PIEZO2: variants seen among roughly 807,000 people sequenced by gnomAD.
The protein encoded by PIEZO2 is piezo-type mechanosensitive ion channel component 2.
PIEZO2 carries 172 observed loss-of-function variants against 337.3 expected under a neutral mutation model. The observed-to-expected ratio is 0.51, with a 90% CI of 0.45 to 0.58. The LOEUF is 0.58. Among genes scored for constraint, PIEZO2 ranks in the 20% least tolerant of loss-of-function variants. The pLI is 0.00. For missense variants in PIEZO2, 3,028 were observed against 3,391.3 expected, an observed-to-expected ratio of 0.89 and a Z score of 2.66; for synonymous variants, 1,251 against 1,228.5, an observed-to-expected ratio of 1.02 and a Z score of -0.38.
At chr18:10,851,114 C>T (rs2041535043) in intron 7 of PIEZO2, among the ~76,000 whole-genome samples, 1 of 150,188 alleles carries the variant, frequency 6.7e-6, no homozygotes, top group Admixed American at 6.6e-5. Context: ...ATGTTTGTTT[C>T]CTTCTTTCTC....
At chr18:10,934,682 T>C (rs1221105739) in intron 3 of PIEZO2, among the ~76,000 whole-genome samples, 2 of 143,002 alleles carry the variant, frequency 1.4e-5, no homozygotes, top group African/African-American at 2.6e-5. Context: ...TGTGTGTGTG[T>C]TGGGCTCCTT....
intron 2 of PIEZO2, among the ~76,000 whole-genome samples, chr18:10,987,253 G>A (rs567215730): frequency 1.6e-4 from 25 of 151,994 alleles, no homozygotes; most frequent in Admixed American, 6.6e-4. Context: ...AATAGCTAAA[G>A]CAATCTTGAG....
In PIEZO2 at chr18:11,132,676, G is replaced by A. The variant is rs960921835; in HGVS notation, c.64+15849C>T. Among the ~76,000 whole-genome samples, 1 of 152,132 alleles carries A rather than the reference G, an allele frequency of 6.6e-6. No homozygotes were observed. Among genetic ancestry groups the A allele is most frequent in the African/African-American group, 2.4e-5 (1 of 41,432 alleles). On this transcript the variant is annotated intron_variant, in intron 1 of 55. Transcript: ENST00000674853. The surrounding 1 kb of genome is among the most constrained non-coding windows in gnomAD (Gnocchi z 4.7). Reference sequence around the variant, plus strand: ...TCTTAGTTCCAGAAGAAGGAGCACTGCCACCAGTAGACACAATGATTCCAT... The same window carrying A: ...TCTTAGTTCCAGAAGAAGGAGCACTACCACCAGTAGACACAATGATTCCAT...
At chr18:11,004,979 A>G (rs1474694829) in intron 2 of PIEZO2, among the ~76,000 whole-genome samples, 2 of 152,210 alleles carry the variant, frequency 1.3e-5, no homozygotes, top group African/African-American at 4.8e-5. Flanking sequence ...ATTGACTGAG[A>G]GGCTATCATA....
At chr18:10,788,247 C>A in intron 15 of PIEZO2, among the ~76,000 whole-genome samples, 1 of 151,882 alleles carries the variant, frequency 6.6e-6, no homozygotes, top group East Asian at 1.9e-4. Context: ...ACTAAAAATA[C>A]AAACATTAGC....
rs923161472 is a variant in PIEZO2 at position 10,954,737 on chromosome 18, CAG to C, written c.286+24796_286+24797del. Among the ~76,000 whole-genome samples, 1 of 152,150 alleles carries C rather than the reference CAG, an allele frequency of 6.6e-6. No individual in the cohort carries two copies. Among genetic ancestry groups the C allele is most frequent in the African/African-American group, 2.4e-5 (1 of 41,434 alleles). On this transcript the variant is annotated intron_variant, in intron 3 of 55. Coordinates refer to ENST00000674853, the MANE Select transcript of PIEZO2 (RefSeq NM_001378183.1). This position sits in a 1 kb window ranked among gnomAD's most constrained non-coding sequence, Gnocchi z 4.2. ...GGCAGAAGCAAGTGGCCACAGGTCC[CAG>C]AGACAGGGGAGACCAGGAGGACCTG...
chr18:10,691,121 T>A, intron 48 of PIEZO2, 104 bp downstream of exon 48: 1 of 1,300,064 alleles, frequency 7.7e-7, no homozygotes, highest in Non-Finnish European at 1.1e-6. Flanking sequence ...CGATTCCCAC[T>A]GCTGAATTCA....
intron 3 of PIEZO2, among the ~76,000 whole-genome samples, chr18:10,919,666 A>C (rs2031257635): frequency 6.6e-6 from 1 of 152,140 alleles, no homozygotes; most frequent in South Asian, 2.1e-4. Context: ...CTTTTCAAAA[A>C]TTACTTCCAT....
intron 1 of PIEZO2, among the ~76,000 whole-genome samples, chr18:11,093,431 GCTT>G (rs1485684146): frequency 6.6e-6 from 1 of 152,134 alleles, no homozygotes; most frequent in Non-Finnish European, 1.5e-5. Context: ...AAGAAAACAG[GCTT>G]CTTCTGATGA....
intron 2 of PIEZO2, among the ~76,000 whole-genome samples, chr18:11,022,334 C>A (rs937280575): frequency 2.0e-5 from 3 of 152,176 alleles, no homozygotes; most frequent in African/African-American, 4.8e-5. Context: ...ACACTTGGAG[C>A]AAAATCAATA....
chr18:11,054,560 T>C (rs572604121), intron 2 of PIEZO2, among the ~76,000 whole-genome samples: 41 of 152,306 alleles, frequency 2.7e-4, no homozygotes, highest in African/African-American at 9.9e-4. Flanking sequence ...ATCTTGATGT[T>C]TATATACTGG....
At chr18:11,011,943 T>C (rs2035919049) in intron 2 of PIEZO2, among the ~76,000 whole-genome samples, 1 of 152,174 alleles carries the variant, frequency 6.6e-6, no homozygotes, top group Non-Finnish European at 1.5e-5. Flanking sequence ...ATCACATAAC[T>C]GCACTTCTGC....
At chr18:10,791,166 C>T (rs2039398660) in intron 14 of PIEZO2, 35 bp downstream of exon 14, 2 of 1,498,520 alleles carry the variant, frequency 1.3e-6, no homozygotes, top group Admixed American at 4.4e-5. Flanking sequence ...TTGCTGAGCA[C>T]CAAACTCTCC....
intron 42 of PIEZO2, 119 bp from the exon 43 acceptor site, chr18:10,702,290 T>C (rs2035375507): frequency 2.2e-6 from 2 of 929,256 alleles, no homozygotes; most frequent in Non-Finnish European, 3.1e-6. Flanking sequence ...GTTTTGATGG[T>C]AGGCAGGCAC....
chr18:10,725,081 T>C, intron 36 of PIEZO2: 1 of 1,516,998 alleles, frequency 6.6e-7, no homozygotes, highest in Non-Finnish European at 9.2e-7. Flanking sequence ...GGAGACAAGT[T>C]CTTTCAGTCG....
intron 4 of PIEZO2, among the ~76,000 whole-genome samples, chr18:10,881,619 A>G (rs1384694332): frequency 6.6e-6 from 1 of 152,222 alleles, no homozygotes. Flanking sequence ...GCATCAGATC[A>G]TGGAAATTGG....
intron 1 of PIEZO2, among the ~76,000 whole-genome samples, chr18:11,147,092 C>T (rs2040829322): frequency 6.6e-6 from 1 of 152,164 alleles, no homozygotes; most frequent in Admixed American, 6.5e-5. Context: ...GCAGTGACAC[C>T]CTCTGTGTGT....
chr18:10,868,367 T>C (rs1223983572), intron 5 of PIEZO2, among the ~76,000 whole-genome samples: 2 of 152,202 alleles, frequency 1.3e-5, no homozygotes, highest in Non-Finnish European at 2.9e-5. Flanking sequence ...CCTGCTTATT[T>C]TGGCCAGGTA....
chr18:10,892,730 C>A lies in PIEZO2; in HGVS notation c.329+18456G>T, dbSNP rs182704738. ...ATTTAGCATGAAACAATAAAGACCG[C>A]AAGTGTGGTGAGTAGGAATAGAGAG... On this transcript the variant is annotated intron_variant, in intron 4 of 55. Transcript: ENST00000674853. 5.7e-4 allele frequency among the ~76,000 whole-genome samples: 87 copies of A among 152,028 alleles called. No homozygotes were observed. The East Asian group carries it at 6.6e-3, about 11-fold the overall frequency.
Sources: allele counts gnomAD v4.1 joint callset (sites outside exome capture counted in the v4.1 genomes callset), GRCh38; gene constraint gnomAD v4.1.1; non-coding constraint Gnocchi (gnomAD v3.1); transcripts MANE v1.5; gene names NCBI Gene and HGNC (gene_info 2026-07-23, HGNC 2026-07-21).